Variants in DNAH7 observed in about 807,000 individuals in gnomAD.
DNAH7 encodes the protein dynein axonemal heavy chain 7.
DNAH7 carries 397 observed loss-of-function variants against 444.6 expected under a neutral mutation model. That is an observed-to-expected ratio of 0.89 (90% CI 0.82 to 0.97). The LOEUF (loss-of-function observed/expected upper bound fraction) is 0.97, where lower values mean the gene tolerates loss of function less well. Ranked by LOEUF, DNAH7 falls within the 50% of genes least tolerant of loss-of-function variation. The probability of loss-of-function intolerance (pLI) is 0.00; values close to 1 mark genes in which losing one functional copy is unlikely to be tolerated. For synonymous variants in DNAH7, 1,636 were observed against 1,624.4 expected, an observed-to-expected ratio of 1.01 and a Z score of -0.17; for missense variants, 4,902 against 4,800.8, an observed-to-expected ratio of 1.02 and a Z score of -0.62.
intron 49 of DNAH7, among the ~76,000 whole-genome samples, chr2:195,819,297 T>C (rs1245528332): frequency 6.6e-6 from 1 of 152,220 alleles, no homozygotes; most frequent in East Asian, 1.9e-4. Flanking sequence ...TGGGCATATA[T>C]ACCTCTCTCC....
At chr2:195,928,771 T>C (rs1247676219) in intron 21 of DNAH7, among the ~76,000 whole-genome samples, 1 of 151,448 alleles carries the variant, frequency 6.6e-6, no homozygotes, top group African/African-American at 2.4e-5. Context: ...AAAGAAACAA[T>C]GGTAACATTG....
intron 27 of DNAH7, chr2:195,901,547 C>T (rs1371409369): frequency 6.6e-6 from 1 of 152,068 alleles, no homozygotes; most frequent in Non-Finnish European, 1.5e-5. Context: ...TGTTACAGAA[C>T]CTCAGACTCT....
intron 33 of DNAH7, among the ~76,000 whole-genome samples, chr2:195,888,015 T>C (rs986316738): frequency 6.6e-6 from 1 of 152,164 alleles, no homozygotes; most frequent in African/African-American, 2.4e-5. Flanking sequence ...AATAACATTT[T>C]GACATGGTTA....
chr2:195,964,479 T>C (rs971467199), intron 17 of DNAH7, among the ~76,000 whole-genome samples: 52 of 151,948 alleles, frequency 3.4e-4, no homozygotes, highest in Admixed American at 3.1e-3. Context: ...GATTTTTGTA[T>C]GTCAATTTTG....
chr2:195,903,077 T>C (rs541996862), intron 27 of DNAH7: 1 of 152,282 alleles, frequency 6.6e-6, no homozygotes, highest in Admixed American at 6.5e-5. Flanking sequence ...CCAGTGCATG[T>C]AATCCATGTG....
chr2:195,914,902 T>C (rs1194395059), intron 24 of DNAH7, among the ~76,000 whole-genome samples: 1 of 152,198 alleles, frequency 6.6e-6, no homozygotes, highest in East Asian at 1.9e-4. Flanking sequence ...CCTCAGGTGA[T>C]CCACCCGCCT....
At chr2:195,967,127 T>C (rs1247891672) in intron 17 of DNAH7, among the ~76,000 whole-genome samples, 2 of 152,128 alleles carry the variant, frequency 1.3e-5, no homozygotes, top group African/African-American at 4.8e-5. Context: ...CTGTTGTATA[T>C]AGTTTTTTAT....
intron 31 of DNAH7, among the ~76,000 whole-genome samples, chr2:195,889,671 A>G (rs1243678796): frequency 6.6e-6 from 1 of 152,226 alleles, no homozygotes; most frequent in Non-Finnish European, 1.5e-5. Flanking sequence ...AAGTAATATA[A>G]GTAAAAAATA....
At position 195,844,989 on chromosome 2, in the gene DNAH7, A is replaced by C. The variant is rs768066199; in HGVS notation, c.8945+13T>G. 2 of 1,608,126 alleles carry C rather than the reference A, an allele frequency of 1.2e-6. No homozygotes were observed. The highest frequency in any genetic ancestry group is 3.4e-5 in the Admixed American group (2 of 59,390). On this transcript the variant is annotated intron_variant, in intron 47 of 64. Coordinates refer to ENST00000312428, the MANE Select transcript of DNAH7 (RefSeq NM_018897.3). ...TTAATAAAGACCATTTGTGAGAAAA[A>C]TATTTTTCTTACATTATGATTATCC...
chr2:195,979,077 AT>A (rs892804720), intron 15 of DNAH7, among the ~76,000 whole-genome samples: 1 of 152,164 alleles, frequency 6.6e-6, no homozygotes, highest in Non-Finnish European at 1.5e-5. Flanking sequence ...ATACAAAAAA[AT>A]AAACAAAGAA....
chr2:195,946,929 G>C (rs985349897), intron 19 of DNAH7, among the ~76,000 whole-genome samples: 3 of 151,990 alleles, frequency 2.0e-5, no homozygotes, highest in Non-Finnish European at 4.4e-5. Context: ...ATAAGCAAAA[G>C]TGACTGAAAA....
chr2:196,027,173 C>G (rs947832024), intron 6 of DNAH7, among the ~76,000 whole-genome samples: 6 of 151,956 alleles, frequency 3.9e-5, no homozygotes, highest in African/African-American at 1.4e-4. Context: ...TGTAAAACAT[C>G]AAGTTATATT....
At chr2:195,991,845 T>C (rs1011702266) in intron 12 of DNAH7, among the ~76,000 whole-genome samples, 16 of 152,206 alleles carry the variant, frequency 1.1e-4, no homozygotes, top group African/African-American at 3.9e-4. Flanking sequence ...CTAACTCACT[T>C]TGTGGGCTCA....
At chr2:195,754,713 A>G (rs1228247867) in intron 62 of DNAH7, among the ~76,000 whole-genome samples, 199 bp from the exon 63 acceptor site, 2 of 151,976 alleles carry the variant, frequency 1.3e-5, no homozygotes, top group Non-Finnish European at 1.5e-5. Context: ...GGGTTTTGCT[A>G]TTTTGCCCAG....
intron 56 of DNAH7, 86 bp from the exon 57 acceptor site, chr2:195,794,624 G>A (rs1191890583): frequency 7.9e-7 from 1 of 1,262,882 alleles, no homozygotes; most frequent in East Asian, 2.4e-5. Flanking sequence ...GAGTTGGAAG[G>A]GGGAGGAAGT....
rs1700244262 is a variant in DNAH7 at position 195,865,004 on chromosome 2, A to G, written c.6651T>C (p.Tyr2217=). The G allele has an allele frequency of 6.3e-7, 1 of 1,598,658 alleles. No homozygotes were observed. The highest frequency in any genetic ancestry group is 8.5e-7 in the Non-Finnish European group (1 of 1,178,550). Residue 2217 remains tyrosine (Y), a synonymous_variant, in exon 41 of 65, where the codon TAT becomes TAC. Coordinates refer to ENST00000312428, the MANE Select transcript of DNAH7 (RefSeq NM_018897.3). The stretch of plus-strand genomic sequence containing the variant: ...TGTCTGTATTGTCCAGAAGGCGGTC[A>G]TAATACACTCGAAGGACCTGTATAA... ...LWVHEVLRVY[Y]DRLLDNTDRS...
intron 45 of DNAH7, among the ~76,000 whole-genome samples, chr2:195,854,467 A>T (rs1352058010): frequency 6.6e-6 from 1 of 152,240 alleles, no homozygotes; most frequent in Admixed American, 6.5e-5. Context: ...ATCTAAAGAT[A>T]GATTTGAAAA....
chr2:195,785,036 C>A (rs1044982982), intron 58 of DNAH7, among the ~76,000 whole-genome samples: 18 of 151,878 alleles, frequency 1.2e-4, no homozygotes, highest in Non-Finnish European at 1.9e-4. Flanking sequence ...CTCAGCCTCC[C>A]GAGTAGCTGG....
intron 24 of DNAH7, among the ~76,000 whole-genome samples, chr2:195,918,154 G>A (rs1331597646): frequency 6.6e-6 from 1 of 152,034 alleles, no homozygotes; most frequent in African/African-American, 2.4e-5. Context: ...CACCAAAAGA[G>A]GTATCCATAT....
Sources: allele counts gnomAD v4.1 joint callset (sites outside exome capture counted in the v4.1 genomes callset), GRCh38; gene constraint gnomAD v4.1.1; transcripts MANE v1.5; gene names NCBI Gene and HGNC (gene_info 2026-07-23, HGNC 2026-07-21).